The following SLC2A14 variants were observed in gnomAD, a reference collection of about 807,000 sequenced individuals.
The protein encoded by SLC2A14 is solute carrier family 2, facilitated glucose transporter member 14.
Under a neutral mutation model 43.0 loss-of-function variants are expected in SLC2A14, and 13 were observed. The observed-to-expected ratio is 0.30, with a 90% CI of 0.20 to 0.48. The LOEUF is 0.48. SLC2A14 is among the 20% of genes least tolerant of loss of function. SLC2A14 has a pLI of 0.99. For synonymous variants in SLC2A14, 190 were observed against 233.8 expected, an observed-to-expected ratio of 0.81 and a Z score of 1.71; for missense variants, 428 against 620.4, an observed-to-expected ratio of 0.69 and a Z score of 3.29.
At chr12:7,817,564 C>G (rs1863561027) in intron 10 of SLC2A14, among the ~76,000 whole-genome samples, 1 of 152,074 alleles carries the variant, frequency 6.6e-6, no homozygotes, top group Non-Finnish European at 1.5e-5. Flanking sequence ...GTCAAGAGAT[C>G]ATGACCATCC....
intron 10 of SLC2A14, among the ~76,000 whole-genome samples, chr12:7,817,369 C>T (rs961788911): frequency 6.6e-6 from 1 of 152,138 alleles, no homozygotes; most frequent in East Asian, 1.9e-4. Flanking sequence ...CCTGCCTCAG[C>T]CGCCCAAAGT....
At chr12:7,836,245 C>T (rs1036491983) in intron 2 of SLC2A14, among the ~76,000 whole-genome samples, 13 of 146,660 alleles carry the variant, frequency 8.9e-5, no homozygotes, top group African/African-American at 3.3e-4. Flanking sequence ...TTTTGAGACG[C>T]AGTCTCACTT....
In SLC2A14 at chr12:7,821,342, C is replaced by G. The variant is rs368433086; in HGVS notation, c.865-17G>C. 65 of 1,600,708 alleles carry G rather than the reference C, an allele frequency of 4.1e-5. No individual in the cohort carries two copies. The highest frequency in any genetic ancestry group is 5.0e-5 in the Non-Finnish European group (59 of 1,168,532). On this transcript the variant is annotated splice_polypyrimidine_tract_variant and intron_variant, in intron 7 of 10. Transcript: ENST00000431042. ...ATAGAACACCTAGGAGAAAAGAAAA[C>G]ATGCAGCTTTGATAAAATTCTGCAC...
intron 2 of SLC2A14, among the ~76,000 whole-genome samples, chr12:7,854,645 G>C (rs1014083213): frequency 1.3e-5 from 2 of 151,612 alleles, no homozygotes; most frequent in African/African-American, 2.4e-5. Flanking sequence ...AGCCTCCTGA[G>C]TAGCTGGGAT....
intron 2 of SLC2A14, among the ~76,000 whole-genome samples, chr12:7,849,629 A>C (rs999648832): frequency 6.6e-6 from 1 of 151,198 alleles, no homozygotes; most frequent in Admixed American, 6.6e-5. Context: ...GGCTGGGTGC[A>C]GTGGCTCATG....
intron 2 of SLC2A14, among the ~76,000 whole-genome samples, chr12:7,844,105 C>CT (rs1389957368): frequency 1.3e-5 from 2 of 152,220 alleles, no homozygotes; most frequent in African/African-American, 2.4e-5. Context: ...GATCTAGATT[C>CT]TTTAACATTT....
chr12:7,883,721 T>A (rs1260752944), intron 1 of SLC2A14, among the ~76,000 whole-genome samples: 1 of 139,730 alleles, frequency 7.2e-6, no homozygotes, highest in Non-Finnish European at 1.5e-5. Flanking sequence ...GTAGTTGGGA[T>A]TACAGGCGCC....
At chr12:7,867,665 T>C (rs1479383016) in intron 2 of SLC2A14, among the ~76,000 whole-genome samples, 3 of 151,772 alleles carry the variant, frequency 2.0e-5, no homozygotes, top group Non-Finnish European at 4.4e-5. Context: ...GCCAATATGG[T>C]GAAACCCCAT....
At position 7,826,861 on chromosome 12, in the gene SLC2A14, T is replaced by TCTTC. The variant is rs1555121667; in HGVS notation, c.864+633_864+634insGAAG. On this transcript the variant is annotated intron_variant, in intron 7 of 10. Coordinates refer to ENST00000431042, the MANE Select transcript of SLC2A14 (RefSeq NM_001286234.2). Reference sequence around the variant, plus strand: ...TCCTTCCTTCCTTCCTTCCTTTCTTTTTTCTTTCTTTCTTTCTTTCTTTCT... The same window carrying TCTTC: ...TCCTTCCTTCCTTCCTTCCTTTCTTTCTTCTTTCTTTCTTTCTTTCTTTCTTTCT... Among the ~76,000 whole-genome samples, 28 of 60,330 alleles carry TCTTC rather than the reference T, an allele frequency of 4.6e-4. 3 individuals carry two copies. The highest frequency in any genetic ancestry group is 5.5e-4 in the African/African-American group (7 of 12,644). 39.6% of individuals were successfully genotyped at this position (60,330 alleles called of 152,430 possible). A position where few individuals can be genotyped will look rare whatever the true frequency, so the allele number is the denominator to read the frequency against.
chr12:7,843,309 A>C (rs1173125322), intron 2 of SLC2A14, among the ~76,000 whole-genome samples: 1 of 149,404 alleles, frequency 6.7e-6, no homozygotes, highest in Admixed American at 6.7e-5. Context: ...GAGGCATGGG[A>C]GGGGCACGCT....
intron 2 of SLC2A14, among the ~76,000 whole-genome samples, chr12:7,853,155 ACAGGGCTGGG>A (rs1385840545): frequency 1.3e-5 from 2 of 152,086 alleles, no homozygotes; most frequent in African/African-American, 4.8e-5. Flanking sequence ...AAGAAAGAAA[ACAGGGCTGGG>A]CATGGTGGCT....
intron 2 of SLC2A14, among the ~76,000 whole-genome samples, chr12:7,864,428 T>G (rs1944798098): frequency 6.6e-6 from 1 of 152,082 alleles, no homozygotes; most frequent in Non-Finnish European, 1.5e-5. Context: ...AACCTCCGCC[T>G]CCCGGATTGA....
At chr12:7,851,235 G>T (rs2120930182) in intron 2 of SLC2A14, among the ~76,000 whole-genome samples, 1 of 152,290 alleles carries the variant, frequency 6.6e-6, no homozygotes, top group East Asian at 1.9e-4. Flanking sequence ...GTGGTCTTAT[G>T]GCTGAAGAAG....
Position 7,813,197 on chromosome 12 carries a change from G to A in SLC2A14, c.*1119C>T. On this transcript the variant is annotated 3_prime_UTR_variant, in exon 11 of 11. Transcript: ENST00000431042. Reference sequence around the variant, plus strand: ...TTGGGGAATTCCTTTAAAGGTATGAGTTAAAATAAAACAGAAAATCAACAC... The same window carrying A: ...TTGGGGAATTCCTTTAAAGGTATGAATTAAAATAAAACAGAAAATCAACAC... 1 of 151,828 alleles carries A rather than the reference G, an allele frequency of 6.6e-6. No homozygotes were observed. Among genetic ancestry groups the A allele is most frequent in the Admixed American group, 6.6e-5 (1 of 15,156 alleles). The allele number at this position is 151,828 out of a possible 1,614,324, so 9.4% of individuals were successfully genotyped here.
intron 1 of SLC2A14, chr12:7,872,083 TG>T (rs1945265415): frequency 4.8e-6 from 1 of 209,600 alleles, no homozygotes; most frequent in Non-Finnish European, 8.3e-6. Context: ...TGTATTAAAC[TG>T]GGACAAAACT....
rs779670464 is a variant in SLC2A14, at chr12:7,831,686, A to G, written c.190T>C (p.Trp64Arg). ...PPSEVLLTNL[W>R]SLSVAIFSVG... ...GAAAATATGGCCACAGACAAGGACC[A>G]GAGATTCGTGAGCAGCACCTCAGAG... The change falls in exon 4 of 11, where the codon TGG becomes CGG. Residue 64 changes from tryptophan to arginine, a missense_variant. Around this residue, in one of 4 missense-constraint regions of SLC2A14, gnomAD observed 122 missense variants for 128.8 expected, o/e 0.95. Coordinates refer to ENST00000431042, the MANE Select transcript of SLC2A14 (RefSeq NM_001286234.2). 12 of 1,614,134 alleles carry G rather than the reference A, an allele frequency of 7.4e-6. No homozygotes were observed. In the Admixed American group the frequency reaches 1.8e-4, roughly 25 times the overall value.
At chr12:7,836,708 C>G (rs1441891559) in intron 2 of SLC2A14, among the ~76,000 whole-genome samples, 2 of 151,996 alleles carry the variant, frequency 1.3e-5, no homozygotes, top group Admixed American at 6.5e-5. Flanking sequence ...TGGTGGCACA[C>G]GCCTGTAATC....
upstream of SLC2A14, among the ~76,000 whole-genome samples, chr12:7,873,635 G>T (rs1389266398): frequency 6.8e-6 from 1 of 146,868 alleles, no homozygotes; most frequent in Non-Finnish European, 1.5e-5. Context: ...TCAAGATTCC[G>T]TCTCAAAAAA....
At chr12:7,844,474 T>A (rs1866287717) in intron 2 of SLC2A14, among the ~76,000 whole-genome samples, 1 of 152,162 alleles carries the variant, frequency 6.6e-6, no homozygotes, top group Non-Finnish European at 1.5e-5. Flanking sequence ...TTCTCTCGAT[T>A]GTATACTTGT....
Sources: allele counts gnomAD v4.1 joint callset (sites outside exome capture counted in the v4.1 genomes callset), GRCh38; gene constraint gnomAD v4.1.1; regional missense constraint gnomAD v4.1.1; transcripts MANE v1.5; gene names NCBI Gene and HGNC (gene_info 2026-07-23, HGNC 2026-07-21).